ZNF839: variants seen among roughly 807,000 people sequenced by gnomAD.
ZNF839 encodes the protein zinc finger protein 839.
ZNF839 carries 38 observed loss-of-function variants against 56.4 expected under a neutral mutation model. That is an observed-to-expected ratio of 0.67 (90% confidence interval 0.52 to 0.88). The LOEUF (loss-of-function observed/expected upper bound fraction) is 0.88. ZNF839 is among the 40% of genes least tolerant of loss of function. ZNF839 has a pLI of 0.00. For missense variants in ZNF839, 1,091 were observed against 1,177.6 expected (o/e 0.93, Z 1.08); for synonymous variants, 486 against 493.5 (o/e 0.98, Z 0.20).
intron 4 of ZNF839, 130 bp downstream of exon 4, chr14:102,334,776 C>G: frequency 2.4e-6 from 1 of 411,992 alleles, no homozygotes; most frequent in Non-Finnish European, 3.9e-6. Context: ...CAGGGTCTTG[C>G]TCTGTCGCCC....
intron 3 of ZNF839, among the ~76,000 whole-genome samples, chr14:102,333,384 G>C (rs1228128356): frequency 1.3e-5 from 2 of 150,138 alleles, no homozygotes; most frequent in Admixed American, 6.7e-5. Flanking sequence ...TCAGCCTCCC[G>C]AGTAGCTGGA....
Position 102,326,230 on chromosome 14 carries a change from A to G in ZNF839, c.534A>G (p.Val178=). The change falls in exon 2 of 8, where the codon GTA becomes GTG. Residue 178 remains valine, a synonymous_variant. Coordinates refer to ENST00000442396, the MANE Select transcript of ZNF839 (RefSeq NM_018335.6). The surrounding 1 kb of genome is among the most constrained non-coding windows in gnomAD (Gnocchi z 4.3). ...DLCQPPAQGF[V]QRPLPALQVV... ...GCCAACCTCCTGCTCAGGGGTTTGT[A>G]CAGAGACCACTGCCAGCCCTCCAGG... The G allele has an allele frequency of 1.2e-6, 2 of 1,613,898 alleles. No individual in the cohort carries two copies. Among genetic ancestry groups the G allele is most frequent in the Non-Finnish European group, 1.7e-6 (2 of 1,179,872 alleles).
At chr14:102,336,626 C>T (rs1885754864) in intron 5 of ZNF839, 1 of 435,140 alleles carries the variant, frequency 2.3e-6, no homozygotes, top group African/African-American at 2.1e-5. Context: ...GCAATAAATG[C>T]TCTTCCAGAA....
intron 5 of ZNF839, among the ~76,000 whole-genome samples, chr14:102,336,306 T>C (rs1465332271): frequency 1.3e-5 from 2 of 152,170 alleles, no homozygotes; most frequent in Admixed American, 1.3e-4. Context: ...TCTTTTTGTT[T>C]TTTTGGGAGA....
chr14:102,320,475 G>A (rs564234478), intron 1 of ZNF839, among the ~76,000 whole-genome samples: 2 of 152,334 alleles, frequency 1.3e-5, no homozygotes, highest in African/African-American at 4.8e-5. Context: ...CATAAGGCAG[G>A]TTCTGGGATT....
At chr14:102,333,670 C>T (rs1027954283) in intron 3 of ZNF839, among the ~76,000 whole-genome samples, 3 of 152,158 alleles carry the variant, frequency 2.0e-5, no homozygotes, top group Non-Finnish European at 4.4e-5. Context: ...TCTCACCGTC[C>T]TCCTGGTTTC....
upstream of ZNF839, among the ~76,000 whole-genome samples, chr14:102,317,927 G>A (rs2072944281): frequency 6.6e-6 from 1 of 152,210 alleles, no homozygotes; most frequent in South Asian, 2.1e-4. Context: ...AAAGCCGGTT[G>A]TATAAGGTTG....
intron 5 of ZNF839, chr14:102,337,239 G>A (rs1316387617): frequency 6.6e-6 from 1 of 151,876 alleles, no homozygotes; most frequent in African/African-American, 2.4e-5. Flanking sequence ...GTGCCATCTT[G>A]GCTCACTGCA....
rs760897816 is a variant in ZNF839, at chr14:102,326,161, G to A, written c.465G>A (p.Pro155=). ...GCCCTCAGCTGCTCAGGGTACAGCC[G>A]CTTGTGAGAACCGAGCCACAGTCCT... ...IASPQLLRVQ[P]LVRTEPQSCF... The change falls in exon 2 of 8, where the codon CCG becomes CCA. Residue 155 remains proline (P), a synonymous_variant. Coordinates refer to ENST00000442396, the MANE Select transcript of ZNF839 (RefSeq NM_018335.6). This position sits in a 1 kb window ranked among gnomAD's most constrained non-coding sequence, Gnocchi z 4.3. 6.8e-6 allele frequency: 11 copies of A among 1,613,684 alleles called. No individual in the cohort carries two copies. Among genetic ancestry groups the A allele is most frequent in the East Asian group, 2.2e-5 (1 of 44,876 alleles).
upstream of ZNF839, chr14:102,319,695 C>G: frequency 8.2e-7 from 1 of 1,218,630 alleles, no homozygotes; most frequent in Non-Finnish European, 1.0e-6. The surrounding 1 kb of genome is among the most constrained non-coding windows in gnomAD (Gnocchi z 4.5). Flanking sequence ...TAGCCCGCCC[C>G]TCTCCTAGGT....
intron 5 of ZNF839, among the ~76,000 whole-genome samples, chr14:102,338,268 T>C (rs1274138757): frequency 6.6e-6 from 1 of 152,238 alleles, no homozygotes; most frequent in Non-Finnish European, 1.5e-5. Context: ...CTGAGCACAG[T>C]GGCTCACGCC....
intron 2 of ZNF839, among the ~76,000 whole-genome samples, chr14:102,330,911 T>C (rs748399354): frequency 1.3e-5 from 2 of 152,138 alleles, no homozygotes; most frequent in Non-Finnish European, 2.9e-5. Flanking sequence ...CAAGGCCAGA[T>C]CTAGGGTTCT....
chr14:102,341,068 C>CA (rs60659700), intron 7 of ZNF839: 2,332 of 82,628 alleles, frequency 0.028, 70 homozygotes, highest in Non-Finnish European at 0.041. Context: ...GACTCCATCT[C>CA]AAAAAAAAAA....
chr14:102,330,727 A>G (rs1358634596), intron 2 of ZNF839, among the ~76,000 whole-genome samples: 1 of 152,034 alleles, frequency 6.6e-6, no homozygotes, highest in East Asian at 1.9e-4. Flanking sequence ...CGTGTTGTCT[A>G]GGCTGGTCTC....
chr14:102,334,940 T>C (rs1021203831), intron 4 of ZNF839: 3 of 160,974 alleles, frequency 1.9e-5, no homozygotes, highest in Admixed American at 1.3e-4. Flanking sequence ...ATTTTTTTTG[T>C]AGAGATGGGA....
intron 3 of ZNF839, among the ~76,000 whole-genome samples, chr14:102,333,571 A>G (rs2073887848): frequency 6.6e-6 from 1 of 152,018 alleles, no homozygotes. Flanking sequence ...CCTTCTAAGC[A>G]CTGATCTTGT....
intron 1 of ZNF839, among the ~76,000 whole-genome samples, chr14:102,323,658 C>G (rs1476842649): frequency 6.6e-6 from 1 of 152,114 alleles, no homozygotes; most frequent in Non-Finnish European, 1.5e-5. Flanking sequence ...AATGGAATTA[C>G]TGGGTCAAAA....
chr14:102,324,255 A>T (rs1476653323), intron 1 of ZNF839, among the ~76,000 whole-genome samples: 1 of 152,154 alleles, frequency 6.6e-6, no homozygotes, highest in East Asian at 1.9e-4. Context: ...GCAAAAACAC[A>T]TGGGTAACGC....
intron 2 of ZNF839, among the ~76,000 whole-genome samples, chr14:102,329,674 T>A (rs535953653): frequency 6.6e-6 from 1 of 151,834 alleles, no homozygotes; most frequent in East Asian, 1.9e-4. Context: ...CATGAGCCAC[T>A]GCACCTTGCC....
Sources: allele counts gnomAD v4.1 joint callset (sites outside exome capture counted in the v4.1 genomes callset), GRCh38; gene constraint gnomAD v4.1.1; non-coding constraint Gnocchi (gnomAD v3.1); transcripts MANE v1.5; gene names NCBI Gene and HGNC (gene_info 2026-07-23, HGNC 2026-07-21).